Variants in SLC4A1AP observed in about 807,000 individuals in gnomAD.
The protein encoded by SLC4A1AP is solute carrier family 4 member 1 adaptor protein.
In SLC4A1AP, 64 loss-of-function variants were observed where a neutral mutation model predicts 89.7. The ratio of observed to expected loss-of-function variants is 0.71; its 90% CI spans 0.58 to 0.88. The LOEUF (loss-of-function observed/expected upper bound fraction) is 0.88. SLC4A1AP is among the 40% of genes least tolerant of loss of function. The pLI is 0.00. For missense variants in SLC4A1AP, 931 were observed against 965.0 expected (o/e 0.96, Z 0.47); for synonymous variants, 366 against 353.3 (o/e 1.04, Z -0.40).
chr2:27,683,863 G>A (rs1441054672), intron 9 of SLC4A1AP, among the ~76,000 whole-genome samples: 2 of 152,072 alleles, frequency 1.3e-5, no homozygotes, highest in African/African-American at 4.8e-5. Flanking sequence ...AGCTTCCCGA[G>A]TAGCTGGGAT....
intron 5 of SLC4A1AP, among the ~76,000 whole-genome samples, chr2:27,675,106 A>T (rs562551942): frequency 2.0e-5 from 3 of 152,380 alleles, no homozygotes; most frequent in African/African-American, 7.2e-5. Context: ...AAAGTGTACC[A>T]TTTTAAGCAT....
chr2:27,684,519 T>C (rs886656044), intron 9 of SLC4A1AP, among the ~76,000 whole-genome samples: 2 of 152,182 alleles, frequency 1.3e-5, no homozygotes, highest in Non-Finnish European at 2.9e-5. Context: ...TAAATACTTT[T>C]ATTGAATGGC....
chr2:27,682,104 C>A, intron 8 of SLC4A1AP, 144 bp from the exon 9 acceptor site: 1 of 583,816 alleles, frequency 1.7e-6, no homozygotes, highest in Non-Finnish European at 3.1e-6. Flanking sequence ...GTCTGAATAC[C>A]TCTTTCTTAT....
intron 12 of SLC4A1AP, among the ~76,000 whole-genome samples, chr2:27,690,293 C>T (rs1405950846): frequency 6.6e-6 from 1 of 151,930 alleles, no homozygotes; most frequent in Non-Finnish European, 1.5e-5. Flanking sequence ...ATTTTTTATT[C>T]CTCATCCCCT....
chr2:27,669,346 G>A, exon 5 of SLC4A1AP: 1 of 1,613,396 alleles, frequency 6.2e-7, no homozygotes. Flanking sequence ...TTGGAAGCTT[G>A]TCGGATTCTT....
chr2:27,694,616 T>C lies in SLC4A1AP; in HGVS notation c.2342-18T>C, dbSNP rs1675843247. ...GGAAGAGTAAATAATGTATTTCTTT[T>C]TTTATATTCTGATCTAGGTCAAAGT... On this transcript the variant is annotated intron_variant, in intron 13 of 13. Coordinates refer to ENST00000613058, the Ensembl canonical transcript of SLC4A1AP. The C allele has an allele frequency of 1.3e-6, 2 of 1,533,496 alleles. No homozygotes were observed. Among genetic ancestry groups the C allele is most frequent in the Admixed American group, 1.8e-5 (1 of 56,372 alleles). The allele number at this position is 1,533,496 out of a possible 1,614,324, so 95.0% of individuals were successfully genotyped here.
At chr2:27,668,672 G>T (rs375396418) in intron 3 of SLC4A1AP, 171 bp from the exon 4 acceptor site, 1 of 709,668 alleles carries the variant, frequency 1.4e-6, no homozygotes, top group South Asian at 1.5e-5. Flanking sequence ...CTGGTTTCGC[G>T]CTCCTTAACT....
At chr2:27,668,577 G>A (rs974102684) in intron 3 of SLC4A1AP, 3 of 620,746 alleles carry the variant, frequency 4.8e-6, no homozygotes, top group African/African-American at 3.6e-5. Context: ...AGCCCCCGTA[G>A]TAGCTGGGAC....
At chr2:27,691,234 T>A (rs1315517913) in intron 12 of SLC4A1AP, among the ~76,000 whole-genome samples, 1 of 152,044 alleles carries the variant, frequency 6.6e-6, no homozygotes, top group East Asian at 1.9e-4. Context: ...TTTTTATTGG[T>A]TTGGTCAGGA....
intron 5 of SLC4A1AP, among the ~76,000 whole-genome samples, chr2:27,674,507 C>T (rs1032891683): frequency 5.3e-5 from 8 of 151,986 alleles, no homozygotes; most frequent in African/African-American, 1.9e-4. Context: ...TGTACATTCC[C>T]ACCAATTATT....
At chr2:27,676,450 AG>A (rs1222033546) in intron 6 of SLC4A1AP, among the ~76,000 whole-genome samples, 1 of 152,218 alleles carries the variant, frequency 6.6e-6, no homozygotes, top group Non-Finnish European at 1.5e-5. Flanking sequence ...AGTAAAATGA[AG>A]TCCGAGTTAT....
chr2:27,687,428 A>T lies in SLC4A1AP; in HGVS notation c.2117-506A>T, dbSNP rs187284106. On this transcript the variant is annotated intron_variant, in intron 10 of 13. Coordinates refer to ENST00000613058, the Ensembl canonical transcript of SLC4A1AP. ...TGAAACTCTATCTCTACAAAAAATTAAAAAAAAAAAATATTGGCCAGGCAT... is the reference window on the plus strand; with the variant it reads ...TGAAACTCTATCTCTACAAAAAATTTAAAAAAAAAAATATTGGCCAGGCAT... Among the ~76,000 whole-genome samples the T allele has an allele frequency of 2.2e-3, 329 of 146,450 alleles. 1 individual carries two copies. Among genetic ancestry groups the T allele is most frequent in the African/African-American group, 5.1e-3 (206 of 40,382 alleles).
intron 4 of SLC4A1AP, 141 bp downstream of exon 4, chr2:27,669,044 C>A: frequency 2.9e-6 from 3 of 1,023,966 alleles, no homozygotes; most frequent in Non-Finnish European, 4.4e-6. Flanking sequence ...CGTTTAGTAA[C>A]CCTTATATTA....
intron 6 of SLC4A1AP, among the ~76,000 whole-genome samples, chr2:27,676,218 T>C (rs1180618286): frequency 6.6e-6 from 1 of 152,182 alleles, no homozygotes. Context: ...TTGACCAGAA[T>C]ATGGAGAAGT....
Position 27,664,046 on chromosome 2 carries a change from G to A in SLC4A1AP, c.294G>A (p.Glu98=), listed in dbSNP as rs753704801. 15 of 1,614,238 alleles carry A rather than the reference G, an allele frequency of 9.3e-6. No homozygotes were observed. In the South Asian group the frequency reaches 1.5e-4, roughly 17 times the overall value. The change falls in exon 1 of 14, where the codon GAG becomes GAA. Residue 98 remains glutamate, a synonymous_variant. Coordinates refer to ENST00000613058, the Ensembl canonical transcript of SLC4A1AP. ...CGGCCAGCAGTTCTTCAAACCCTGA[G>A]GAGGTACAGAAGGAAGGGCCCACTG... is the stretch of plus-strand genomic sequence containing the variant.
chr2:27,675,272 A>G (rs527970469), intron 5 of SLC4A1AP, among the ~76,000 whole-genome samples: 1 of 152,242 alleles, frequency 6.6e-6, no homozygotes, highest in East Asian at 1.9e-4. Flanking sequence ...GGCAACCACC[A>G]TTCTACTTTT....
chr2:27,680,632 A>G (rs2148136767), intron 8 of SLC4A1AP, among the ~76,000 whole-genome samples: 1 of 152,102 alleles, frequency 6.6e-6, no homozygotes, highest in African/African-American at 2.4e-5. Flanking sequence ...TCTACAAAAG[A>G]TAAAAACTTA....
At chr2:27,670,376 TGAGTA>T (rs1487027247) in intron 5 of SLC4A1AP, among the ~76,000 whole-genome samples, 2 of 152,026 alleles carry the variant, frequency 1.3e-5, no homozygotes, top group African/African-American at 4.8e-5. Flanking sequence ...TTTTAAAGTC[TGAGTA>T]GAGCATCATT....
Position 27,665,089 on chromosome 2 carries a change from T to C in SLC4A1AP, c.826-11T>C. 6.3e-7 allele frequency: 1 copy of C among 1,592,270 alleles called. No individual in the cohort carries two copies. Among genetic ancestry groups the C allele is most frequent in the Non-Finnish European group, 8.5e-7 (1 of 1,170,052 alleles). On this transcript the variant is annotated splice_polypyrimidine_tract_variant and intron_variant, in intron 1 of 13. Transcript: ENST00000613058. ...AATAAATAAATAACCTTTTTTTCCT[T>C]GGTTCATCAGGGACCAGAGGAAGAC...
Sources: allele counts gnomAD v4.1 joint callset (sites outside exome capture counted in the v4.1 genomes callset), GRCh38; gene constraint gnomAD v4.1.1; transcripts MANE v1.5; gene names NCBI Gene and HGNC (gene_info 2026-07-23, HGNC 2026-07-21).